Variants in MACROD1 observed in about 807,000 individuals in gnomAD.
MACROD1 encodes the protein ADP-ribose glycohydrolase MACROD1.
MACROD1 carries 31 observed loss-of-function variants against 41.4 expected under a neutral mutation model. The observed-to-expected ratio is 0.75, with a 90% CI of 0.56 to 1.01. MACROD1 has a LOEUF of 1.01. Among genes scored for constraint, MACROD1 ranks in the 50% least tolerant of loss-of-function variants. The pLI is 0.00. For synonymous variants in MACROD1, 252 were observed against 203.4 expected (o/e 1.24, Z -2.03); for missense variants, 473 against 460.0 (o/e 1.03, Z -0.26).
At chr11:64,018,436 G>A (rs1442822521) in intron 3 of MACROD1, among the ~76,000 whole-genome samples, 1 of 152,188 alleles carries the variant, frequency 6.6e-6, no homozygotes, top group East Asian at 1.9e-4. Flanking sequence ...CGGAGAGCTG[G>A]GCCAGGCTGT....
chr11:64,053,451 AGGCTG>A (rs998895200), intron 3 of MACROD1, among the ~76,000 whole-genome samples: 19 of 152,124 alleles, frequency 1.2e-4, no homozygotes, highest in Middle Eastern at 3.2e-3. Context: ...GTGCAGGGTT[AGGCTG>A]GGCTGGGGAT....
At chr11:64,141,970 C>T (rs1945419969) in intron 3 of MACROD1, among the ~76,000 whole-genome samples, 2 of 152,228 alleles carry the variant, frequency 1.3e-5, no homozygotes, top group African/African-American at 4.8e-5. Context: ...TCCTCCTCTA[C>T]AGGACGCCAA....
chr11:64,151,134 C>T (rs908641887), intron 3 of MACROD1, 105 bp downstream of exon 3: 10 of 949,358 alleles, frequency 1.1e-5, no homozygotes, highest in South Asian at 2.9e-5. Context: ...GCCAGCAACC[C>T]GAGCCTCACT....
chr11:64,137,276 G>A (rs941061295), intron 3 of MACROD1, among the ~76,000 whole-genome samples: 1 of 152,176 alleles, frequency 6.6e-6, no homozygotes, highest in East Asian at 1.9e-4. Flanking sequence ...GGAGGGCAGC[G>A]GCGGGGGGGT....
chr11:64,074,163 C>T (rs1944159408), intron 3 of MACROD1, among the ~76,000 whole-genome samples: 1 of 152,202 alleles, frequency 6.6e-6, no homozygotes. Flanking sequence ...TGGCTCAGGG[C>T]AATGGTCTCC....
chr11:64,159,211 C>G (rs1162068231), intron 1 of MACROD1, among the ~76,000 whole-genome samples: 1 of 151,050 alleles, frequency 6.6e-6, no homozygotes, highest in Non-Finnish European at 1.5e-5. Context: ...CCCAGCTACT[C>G]AGGAGGCTGA....
intron 4 of MACROD1, among the ~76,000 whole-genome samples, chr11:64,014,720 C>T (rs1414917242): frequency 1.3e-5 from 2 of 152,188 alleles, no homozygotes; most frequent in African/African-American, 2.4e-5. Context: ...GCGGCCAGGC[C>T]CACCCTGACC....
At chr11:64,052,414 C>T (rs747413311) in intron 3 of MACROD1, among the ~76,000 whole-genome samples, 2 of 152,188 alleles carry the variant, frequency 1.3e-5, no homozygotes, top group Non-Finnish European at 2.9e-5. Flanking sequence ...TGGCCTCAAG[C>T]GATCTTCCAT....
chr11:64,132,625 C>G (rs555851977), intron 3 of MACROD1, among the ~76,000 whole-genome samples: 2 of 152,162 alleles, frequency 1.3e-5, no homozygotes, highest in African/African-American at 4.8e-5. Context: ...CTATTGAGCC[C>G]GCGGTCCTCA....
rs1237612003 is a variant in MACROD1, at chr11:64,120,283, A to G, written c.517+30956T>C. 2.6e-5 allele frequency among the ~76,000 whole-genome samples: 4 copies of G among 152,236 alleles called. No individual in the cohort carries two copies. Among genetic ancestry groups the G allele is most frequent in the African/African-American group, 7.2e-5 (3 of 41,460 alleles). On this transcript the variant is annotated intron_variant, in intron 3 of 10. Transcript: ENST00000255681. The surrounding 1 kb of genome is among the most constrained non-coding windows in gnomAD (Gnocchi z 4.5). ...TGGGGAACAGCCGAGCAGCGTGGTC[A>G]CGTTTCACTCGAAACTAGACGTGTT...
intron 3 of MACROD1, among the ~76,000 whole-genome samples, chr11:64,054,117 G>A (rs979010477): frequency 3.9e-5 from 6 of 152,192 alleles, no homozygotes; most frequent in Non-Finnish European, 8.8e-5. Context: ...CAGCCCCTGA[G>A]TTCTACCAGG....
At chr11:64,118,233 G>A (rs765128867) in intron 3 of MACROD1, 12 of 1,610,518 alleles carry the variant, frequency 7.5e-6, no homozygotes, top group African/African-American at 1.3e-5. Flanking sequence ...CATTGGCTAC[G>A]GCACCACGCG....
At chr11:64,077,504 G>A (rs1944224272) in intron 3 of MACROD1, among the ~76,000 whole-genome samples, 1 of 152,162 alleles carries the variant, frequency 6.6e-6, no homozygotes, top group South Asian at 2.1e-4. Context: ...CATTTGTGGA[G>A]ACAGACTAGG....
At chr11:64,139,957 A>C (rs1389097091) in intron 3 of MACROD1, among the ~76,000 whole-genome samples, 1 of 3,472 alleles carries the variant, frequency 2.9e-4, no homozygotes, top group Non-Finnish European at 1.6e-3. Context: ...CTCAGTCTCA[A>C]AAAAAGAAAA....
chr11:64,043,842 G>A (rs1018793410), intron 3 of MACROD1, among the ~76,000 whole-genome samples: 9 of 149,358 alleles, frequency 6.0e-5, no homozygotes, highest in South Asian at 2.1e-4. Context: ...ACGGAGTTTC[G>A]CTCTTGTTGC....
At chr11:64,000,197 C>T in intron 5 of MACROD1, 30 bp downstream of exon 5, 1 of 1,582,192 alleles carries the variant, frequency 6.3e-7, no homozygotes, top group Non-Finnish European at 8.6e-7. Context: ...CTGTCTGCGC[C>T]CCACAGCTGG....
chr11:64,064,877 T>C lies in MACROD1; in HGVS notation c.518-49596A>G, dbSNP rs576012033. ...TCATTCATTCATTCATTCATTCATT[T>C]GATGAGTGCTTCCAGAGCCCACCTA... On this transcript the variant is annotated intron_variant, in intron 3 of 10. Transcript: ENST00000255681. The surrounding 1 kb of genome is among the most constrained non-coding windows in gnomAD (Gnocchi z 4.5). Among the ~76,000 whole-genome samples the C allele has an allele frequency of 5.1e-5, 7 of 137,982 alleles. 1 individual carries two copies. The highest frequency in any genetic ancestry group is 2.0e-4 in the East Asian group (1 of 5,086). 90.5% of individuals were successfully genotyped at this position (137,982 alleles called of 152,430 possible). A position where few individuals can be genotyped will look rare whatever the true frequency, so the allele number is the denominator to read the frequency against.
At chr11:64,010,480 T>TGTTG (rs1942991258) in intron 4 of MACROD1, among the ~76,000 whole-genome samples, 1 of 147,732 alleles carries the variant, frequency 6.8e-6, no homozygotes, top group Admixed American at 6.7e-5. Flanking sequence ...TTGGTTGGGG[T>TGTTG]GTTGGCTGGG....
intron 3 of MACROD1, among the ~76,000 whole-genome samples, chr11:64,130,683 A>AC (rs1436652575): frequency 2.6e-5 from 4 of 151,514 alleles, no homozygotes; most frequent in African/African-American, 4.9e-5. Context: ...TGCTTCCAGG[A>AC]CCCCCCCACA....
Sources: allele counts gnomAD v4.1 joint callset (sites outside exome capture counted in the v4.1 genomes callset), GRCh38; gene constraint gnomAD v4.1.1; non-coding constraint Gnocchi (gnomAD v3.1); transcripts MANE v1.5; gene names NCBI Gene and HGNC (gene_info 2026-07-23, HGNC 2026-07-21).